WWOX: variants seen among roughly 807,000 people sequenced by gnomAD.
WWOX encodes WW domain-containing oxidoreductase.
WWOX carries 69 observed loss-of-function variants against 46.2 expected under a neutral mutation model. The observed-to-expected ratio is 1.49, with a 90% CI of 1.23 to 1.82. The LOEUF (loss-of-function observed/expected upper bound fraction) is 1.82. WWOX is among the 40% of genes most tolerant of loss of function. The probability of loss-of-function intolerance (pLI) is 0.00; values close to 1 mark genes in which losing one functional copy is unlikely to be tolerated. For missense variants in WWOX, 919 were observed against 542.6 expected (o/e 1.69, Z -6.89); for synonymous variants, 359 against 202.6 (o/e 1.77, Z -6.56).
chr16:78,887,318 T>C (rs1474916149), intron 8 of WWOX, among the ~76,000 whole-genome samples: 2 of 152,034 alleles, frequency 1.3e-5, no homozygotes, highest in Non-Finnish European at 2.9e-5. Context: ...CCCAACTCTA[T>C]TTTAATCTGT....
intron 8 of WWOX, chr16:78,897,777 A>AC (rs2044736382): frequency 6.6e-6 from 1 of 152,056 alleles, no homozygotes; most frequent in African/African-American, 2.4e-5. Flanking sequence ...TATCATTTTA[A>AC]CCCCCCGCTA....
chr16:78,536,957 C>G (rs1214492901), intron 8 of WWOX, among the ~76,000 whole-genome samples: 1 of 149,234 alleles, frequency 6.7e-6, no homozygotes, highest in Non-Finnish European at 1.5e-5. Flanking sequence ...CACTCTGTCA[C>G]CCAGACTGGA....
chr16:78,930,455 T>C (rs1349225145), intron 8 of WWOX, among the ~76,000 whole-genome samples: 1 of 146,636 alleles, frequency 6.8e-6, no homozygotes, highest in Non-Finnish European at 1.5e-5. Context: ...CTAATTTTTT[T>C]TTTTTTTTTT....
chr16:78,795,557 G>T (rs901560249), intron 8 of WWOX, among the ~76,000 whole-genome samples: 18 of 152,186 alleles, frequency 1.2e-4, no homozygotes, highest in Admixed American at 1.0e-3. Context: ...AAAGGATTCA[G>T]GGTATAATTT....
At chr16:78,945,875 C>T (rs1245111906) in intron 8 of WWOX, among the ~76,000 whole-genome samples, 1 of 152,112 alleles carries the variant, frequency 6.6e-6, no homozygotes, top group Non-Finnish European at 1.5e-5. Flanking sequence ...GGAGCCAGTC[C>T]TGGCTCTTCC....
chr16:78,162,301 T>C (rs1473163813), intron 4 of WWOX, among the ~76,000 whole-genome samples: 2 of 152,224 alleles, frequency 1.3e-5, no homozygotes, highest in Non-Finnish European at 2.9e-5. Context: ...ACTATCAGTC[T>C]TGTAGCTACT....
chr16:78,217,863 G>A (rs1026257382), intron 5 of WWOX, among the ~76,000 whole-genome samples: 1 of 152,174 alleles, frequency 6.6e-6, no homozygotes, highest in African/African-American at 2.4e-5. Context: ...TGGAAGTGGA[G>A]TGAAGTCAAA....
At chr16:78,281,271 T>G (rs768750691) in intron 5 of WWOX, among the ~76,000 whole-genome samples, 3 of 152,180 alleles carry the variant, frequency 2.0e-5, no homozygotes, top group Non-Finnish European at 4.4e-5. Flanking sequence ...CCCCAGTGAT[T>G]CAAATACCTC....
intron 8 of WWOX, among the ~76,000 whole-genome samples, chr16:78,675,823 A>G (rs2047584554): frequency 6.6e-6 from 1 of 152,150 alleles, no homozygotes; most frequent in Non-Finnish European, 1.5e-5. Context: ...AAAAATTATT[A>G]AAAGAAAATA....
chr16:79,009,905 A>G (rs918299621), intron 8 of WWOX, among the ~76,000 whole-genome samples: 1 of 152,216 alleles, frequency 6.6e-6, no homozygotes, highest in African/African-American at 2.4e-5. Context: ...TTTGGAACTT[A>G]TCAAGTTGAG....
At chr16:79,089,933 C>G (rs1218437173) in intron 8 of WWOX, 1 of 150,668 alleles carries the variant, frequency 6.6e-6, no homozygotes, top group Non-Finnish European at 1.5e-5. Flanking sequence ...CTGCGAAAAC[C>G]CAAGAGAAAC....
chr16:78,702,240 A>C (rs1407759022), intron 8 of WWOX, among the ~76,000 whole-genome samples: 6 of 150,222 alleles, frequency 4.0e-5, no homozygotes, highest in Non-Finnish European at 8.9e-5. Context: ...TGATGACTCC[A>C]CTATACTCCA....
chr16:79,208,037 G>A (rs1051275355), intron 8 of WWOX, among the ~76,000 whole-genome samples: 8 of 152,162 alleles, frequency 5.3e-5, no homozygotes, highest in African/African-American at 1.9e-4. Flanking sequence ...CCACCTTTCT[G>A]TAGTTGAAGA....
intron 8 of WWOX, among the ~76,000 whole-genome samples, chr16:79,158,344 G>T (rs1410561479): frequency 6.6e-6 from 1 of 152,182 alleles, no homozygotes; most frequent in Non-Finnish European, 1.5e-5. Context: ...AAAATCACAC[G>T]TTGGACAGGA....
chr16:78,522,181 A>T (rs1018101058), intron 8 of WWOX, among the ~76,000 whole-genome samples: 2 of 151,334 alleles, frequency 1.3e-5, no homozygotes, highest in Non-Finnish European at 2.9e-5. Flanking sequence ...CTGATTTGAG[A>T]TTTATTCATC....
chr16:78,491,159 A>G (rs548828068), intron 8 of WWOX, among the ~76,000 whole-genome samples: 3 of 152,172 alleles, frequency 2.0e-5, no homozygotes, highest in South Asian at 2.1e-4. Context: ...CCATCCTTCA[A>G]AATCCAGCTC....
At chr16:79,192,797 A>G (rs1481424094) in intron 8 of WWOX, among the ~76,000 whole-genome samples, 1 of 152,172 alleles carries the variant, frequency 6.6e-6, no homozygotes, top group Non-Finnish European at 1.5e-5. Flanking sequence ...CCCGTTTCAC[A>G]TTTGAATCGC....
In WWOX at chr16:78,614,948, T is replaced by G. The variant is rs2045985107; in HGVS notation, c.1056+182196T>G. On this transcript the variant is annotated intron_variant, in intron 8 of 8. Coordinates refer to ENST00000566780, the MANE Select transcript of WWOX (RefSeq NM_016373.4). ...TCCATAGCTCTTTGTGATGCTTGCT[T>G]TAATCAGTTGATACATGTTTAATCA... is the stretch of plus-strand genomic sequence containing the variant. Among the ~76,000 whole-genome samples the G allele has an allele frequency of 2.0e-5, 3 of 152,288 alleles. No individual in the cohort carries two copies. The South Asian group carries it at 6.2e-4, about 32-fold the overall frequency.
intron 8 of WWOX, among the ~76,000 whole-genome samples, chr16:79,176,556 C>G (rs932960193): frequency 1.3e-5 from 2 of 152,150 alleles, no homozygotes; most frequent in Non-Finnish European, 2.9e-5. Flanking sequence ...CTTGAGTCTT[C>G]TCTTTGGTCC....
Sources: gnomAD v4.1 joint callset for allele counts (sites outside exome capture counted in the v4.1 genomes callset) on GRCh38, gnomAD v4.1.1 for gene constraint, MANE v1.5 for transcripts, NCBI Gene and HGNC (gene_info 2026-07-23, HGNC 2026-07-21) for gene names.